Variants in ALK observed in about 807,000 individuals in gnomAD.
The protein encoded by ALK is ALK receptor tyrosine kinase.
In ALK, 74 loss-of-function variants were observed where a neutral mutation model predicts 163.1. That is an observed-to-expected ratio of 0.45 (90% confidence interval 0.38 to 0.55). The LOEUF (loss-of-function observed/expected upper bound fraction) is 0.55, where lower values mean the gene tolerates loss of function less well. Ranked by LOEUF, ALK falls within the 20% of genes least tolerant of loss-of-function variation. ALK has a pLI of 0.00. For missense variants in ALK, 2,063 were observed against 2,105.3 expected (o/e 0.98, Z 0.39); for synonymous variants, 960 against 843.2 (o/e 1.14, Z -2.40).
intron 3 of ALK, among the ~76,000 whole-genome samples, chr2:29,561,607 T>C (rs925420167): frequency 6.6e-5 from 10 of 152,210 alleles, no homozygotes; most frequent in Non-Finnish European, 1.5e-4. Flanking sequence ...TCATATACCC[T>C]TCAAAGCCAG....
intron 3 of ALK, among the ~76,000 whole-genome samples, chr2:29,555,944 G>A (rs1163457484): frequency 2.0e-5 from 3 of 152,234 alleles, no homozygotes; most frequent in Non-Finnish European, 4.4e-5. Context: ...CTTTCAGACT[G>A]TTAAAAGTAT....
intron 4 of ALK, among the ~76,000 whole-genome samples, chr2:29,479,582 T>C (rs1233843778): frequency 6.6e-6 from 1 of 152,208 alleles, no homozygotes; most frequent in Non-Finnish European, 1.5e-5. Flanking sequence ...GCTTTGCAAA[T>C]CTCCTTTAGG....
At chr2:29,648,522 C>A (rs1676949950) in intron 3 of ALK, among the ~76,000 whole-genome samples, 1 of 152,160 alleles carries the variant, frequency 6.6e-6, no homozygotes, top group African/African-American at 2.4e-5. Flanking sequence ...CCTCATTCCC[C>A]TAGTCTCTGG....
chr2:29,320,077 T>G (rs1441053693), intron 7 of ALK, among the ~76,000 whole-genome samples: 1 of 152,204 alleles, frequency 6.6e-6, no homozygotes, highest in Non-Finnish European at 1.5e-5. Context: ...GCTGGCCATA[T>G]AGACCCTCTG....
chr2:29,330,341 C>T (rs58074664), intron 5 of ALK, among the ~76,000 whole-genome samples: 1,972 of 152,278 alleles, frequency 0.013, 30 homozygotes, highest in East Asian at 0.067. Flanking sequence ...TCCTGCCGTC[C>T]GTCCAGGTCC....
chr2:29,695,485 T>A (rs1678527219), intron 2 of ALK, among the ~76,000 whole-genome samples: 1 of 152,192 alleles, frequency 6.6e-6, no homozygotes, highest in Non-Finnish European at 1.5e-5. Context: ...CACTCAAGTT[T>A]GCCGTAAGAA....
chr2:29,579,233 C>T (rs973147372), intron 3 of ALK, among the ~76,000 whole-genome samples: 1 of 152,216 alleles, frequency 6.6e-6, no homozygotes, highest in Admixed American at 6.5e-5. Flanking sequence ...TTGTCTTTGA[C>T]TTGCCTCACC....
intron 1 of ALK, among the ~76,000 whole-genome samples, chr2:29,830,102 G>A (rs546387717): frequency 2.5e-4 from 38 of 152,366 alleles, no homozygotes; most frequent in African/African-American, 8.9e-4. Context: ...TGAAGACAGA[G>A]TGTTTGTGTA....
chr2:29,883,129 A>T (rs1031354978), intron 1 of ALK, among the ~76,000 whole-genome samples: 1 of 151,950 alleles, frequency 6.6e-6, no homozygotes, highest in Non-Finnish European at 1.5e-5. Context: ...AAGGGAAGGT[A>T]AAAGAAAAAA....
rs34699906 is a variant in ALK at position 29,269,806 on chromosome 2, C to T, written c.2041+5293G>A. On this transcript the variant is annotated intron_variant, in intron 11 of 28. Transcript: ENST00000389048. The stretch of plus-strand genomic sequence containing the variant: ...TGCCACCCCTTAATGAACAGTCCCC[C>T]CCCAGCTGAATGGGTGCTAACAGAA... 3.0e-3 allele frequency among the ~76,000 whole-genome samples: 462 copies of T among 152,332 alleles called. 2 individuals are homozygous for T. The highest frequency in any genetic ancestry group is 0.013 in the South Asian group (64 of 4,828).
At position 29,246,655 on chromosome 2, in the gene ALK, C is replaced by T. The variant is rs1243522324; in HGVS notation, c.2204+4450G>A. On this transcript the variant is annotated intron_variant, in intron 12 of 28. Coordinates refer to ENST00000389048, the MANE Select transcript of ALK (RefSeq NM_004304.5). The surrounding 1 kb of genome is among the most constrained non-coding windows in gnomAD (Gnocchi z 4.3). Reference sequence around the variant, plus strand: ...TGCCAGAGCGTGGATGTAGTCCCAGCGTTGCACCCGACCCCACATTCACTC... The same window carrying T: ...TGCCAGAGCGTGGATGTAGTCCCAGTGTTGCACCCGACCCCACATTCACTC... Among the ~76,000 whole-genome samples, 1 of 152,170 alleles carries T rather than the reference C, an allele frequency of 6.6e-6. No individual in the cohort carries two copies. The highest frequency in any genetic ancestry group is 2.4e-5 in the African/African-American group (1 of 41,436).
At chr2:29,717,521 G>A (rs1679296647) in intron 2 of ALK, 57 bp downstream of exon 2, 2 of 1,602,760 alleles carry the variant, frequency 1.2e-6, no homozygotes, top group African/African-American at 1.3e-5. Flanking sequence ...AACTCACAGA[G>A]TCCTTATTAT....
chr2:29,620,723 C>T (rs1440987905), intron 3 of ALK, among the ~76,000 whole-genome samples: 1 of 152,170 alleles, frequency 6.6e-6, no homozygotes, highest in Non-Finnish European at 1.5e-5. Flanking sequence ...CTAACTTAAA[C>T]CGTTCTAAAT....
At chr2:29,322,317 G>C (rs1667082803) in intron 6 of ALK, among the ~76,000 whole-genome samples, 1 of 152,190 alleles carries the variant, frequency 6.6e-6, no homozygotes, top group African/African-American at 2.4e-5. Flanking sequence ...AATTAAAACA[G>C]GCTGTCACTG....
chr2:29,551,268 T>C (rs1673706947), intron 3 of ALK, among the ~76,000 whole-genome samples: 1 of 152,194 alleles, frequency 6.6e-6, no homozygotes, highest in South Asian at 2.1e-4. Flanking sequence ...TAAGATTAGT[T>C]ATGTAAAGTA....
intron 4 of ALK, among the ~76,000 whole-genome samples, chr2:29,481,877 T>C (rs1671669620): frequency 6.6e-6 from 1 of 152,126 alleles, no homozygotes; most frequent in Non-Finnish European, 1.5e-5. Context: ...ACAGAATGAC[T>C]TTCTGTTTGA....
At chr2:29,302,335 T>A (rs199941709) in intron 8 of ALK, among the ~76,000 whole-genome samples, 2 of 152,132 alleles carry the variant, frequency 1.3e-5, no homozygotes, top group African/African-American at 4.8e-5. Flanking sequence ...CTGGCCAATA[T>A]GGTGAAACCC....
chr2:29,508,678 C>G (rs973487952), intron 4 of ALK, among the ~76,000 whole-genome samples: 5 of 124,312 alleles, frequency 4.0e-5, no homozygotes, highest in East Asian at 2.5e-4. Context: ...CACATGTACC[C>G]TAAAACTTAG....
chr2:29,470,116 A>C lies in ALK; in HGVS notation c.1154+61799T>G, dbSNP rs554730290. On this transcript the variant is annotated intron_variant, in intron 4 of 28. Transcript: ENST00000389048. ...ATTAATAATTCAATAGATGAGTTTA[A>C]CAGTAGATTAGACACAAGAGAACAG... Among the ~76,000 whole-genome samples the C allele has an allele frequency of 2.6e-5, 4 of 152,328 alleles. No homozygotes were observed. The South Asian group carries it at 8.3e-4, about 32-fold the overall frequency.
Sources: gnomAD v4.1 joint callset for allele counts (sites outside exome capture counted in the v4.1 genomes callset) on GRCh38, gnomAD v4.1.1 for gene constraint, Gnocchi (gnomAD v3.1) non-coding constraint, MANE v1.5 for transcripts, NCBI Gene and HGNC (gene_info 2026-07-23, HGNC 2026-07-21) for gene names.